The following TTC39B variants were observed in gnomAD, a reference collection of about 807,000 sequenced individuals.
TTC39B encodes tetratricopeptide repeat domain 39B.
In TTC39B, 92 loss-of-function variants were observed where a neutral mutation model predicts 96.6. The observed-to-expected ratio is 0.95, with a 90% CI of 0.80 to 1.13. The LOEUF (loss-of-function observed/expected upper bound fraction) is 1.13. Among genes scored for constraint, TTC39B ranks in the 50% most tolerant of loss-of-function variants. The pLI, the probability that TTC39B is intolerant of heterozygous loss-of-function variation, is 0.00. For synonymous variants in TTC39B, 367 were observed against 299.4 expected (o/e 1.23, Z -2.33); for missense variants, 955 against 809.3 (o/e 1.18, Z -2.18).
exon 20 of TTC39B, chr9:15,169,640 C>T (rs955680526): frequency 2.0e-5 from 3 of 152,126 alleles, no homozygotes; most frequent in African/African-American, 7.2e-5. Flanking sequence ...ACTACAATAT[C>T]TTGAACATAG....
chr9:15,267,119 C>A (rs1399912789), intron 2 of TTC39B, among the ~76,000 whole-genome samples: 1 of 152,150 alleles, frequency 6.6e-6, no homozygotes, highest in Non-Finnish European at 1.5e-5. Context: ...CTCACTCTCT[C>A]GGCCATGTAA....
intron 1 of TTC39B, among the ~76,000 whole-genome samples, chr9:15,271,277 G>A (rs2131558557): frequency 6.6e-6 from 1 of 152,220 alleles, no homozygotes; most frequent in South Asian, 2.1e-4. Flanking sequence ...CTGTCTGATT[G>A]GAGTCCGCAC....
rs377546314 is a variant in TTC39B, at chr9:15,188,135, G to A, written c.1234-3C>T. The A allele has an allele frequency of 6.1e-5, 97 of 1,590,094 alleles. No individual in the cohort carries two copies. In the African/African-American group the frequency reaches 1.1e-3, roughly 18 times the overall value. On this transcript the variant is annotated splice_region_variant and splice_polypyrimidine_tract_variant and intron_variant, in intron 13 of 19. Transcript: ENST00000512701. ...CATTTTTGAAATACTTCTTGTGCCT[G>A]TAAATCAAGTACACAAAGTTGATCG... is the stretch of plus-strand genomic sequence containing the variant.
chr9:15,196,786 T>G lies in TTC39B; in HGVS notation c.824+3075A>C, dbSNP rs568222384. Among the ~76,000 whole-genome samples, 3 of 152,310 alleles carry G rather than the reference T, an allele frequency of 2.0e-5. No individual in the cohort carries two copies. The East Asian group carries it at 5.8e-4, about 29-fold the overall frequency. On this transcript the variant is annotated intron_variant, in intron 8 of 19. Coordinates refer to ENST00000512701, the Ensembl canonical transcript of TTC39B. ...AGCATGGATCTAACTCTGAAAGAAGTTCTCCTGTGGGTAAAGTGCCATCAA... is the reference window on the plus strand; with the variant it reads ...AGCATGGATCTAACTCTGAAAGAAGGTCTCCTGTGGGTAAAGTGCCATCAA...
chr9:15,234,230 T>C (rs953628408), intron 2 of TTC39B, among the ~76,000 whole-genome samples: 1 of 151,406 alleles, frequency 6.6e-6, no homozygotes, highest in Non-Finnish European at 1.5e-5. Context: ...GGAGCGTCTC[T>C]GCCCGGCAGC....
intron 8 of TTC39B, among the ~76,000 whole-genome samples, chr9:15,195,483 AG>A (rs555117099): frequency 1.3e-5 from 2 of 151,868 alleles, no homozygotes; most frequent in South Asian, 4.2e-4. Context: ...AGCCTGGCCA[AG>A]CATGGTGAAA....
At chr9:15,271,963 A>G (rs111523424) in intron 1 of TTC39B, among the ~76,000 whole-genome samples, 2 of 152,292 alleles carry the variant, frequency 1.3e-5, no homozygotes, top group African/African-American at 4.8e-5. Context: ...CAGCAAATAC[A>G]GTTTCCTGCA....
chr9:15,219,873 C>A lies in TTC39B; in HGVS notation c.372-5624G>T, dbSNP rs1241945706. Among the ~76,000 whole-genome samples the A allele has an allele frequency of 2.6e-5, 4 of 152,164 alleles. 1 individual carries two copies. Among genetic ancestry groups the A allele is most frequent in the African/African-American group, 7.2e-5 (3 of 41,442 alleles). On this transcript the variant is annotated intron_variant, in intron 3 of 19. Transcript: ENST00000512701. ...CCACACCGCCCAACCATGACCCTCA[C>A]AAGGGAGGCCTGCACTTTAGGGCTG...
chr9:15,239,881 C>A (rs1821962199), intron 2 of TTC39B, among the ~76,000 whole-genome samples: 1 of 152,202 alleles, frequency 6.6e-6, no homozygotes, highest in African/African-American at 2.4e-5. Flanking sequence ...ATGTAACAGA[C>A]ATGCACATGT....
At chr9:15,305,400 G>C (rs1312488883) in intron 1 of TTC39B, among the ~76,000 whole-genome samples, 8 of 152,124 alleles carry the variant, frequency 5.3e-5, no homozygotes, top group Non-Finnish European at 7.4e-5. Context: ...AGGGACAAAA[G>C]TAAATTTGGC....
In TTC39B at chr9:15,184,773, A is replaced by G. The variant is rs139288444; in HGVS notation, c.1614+507T>C. The stretch of plus-strand genomic sequence containing the variant: ...CACTAAATTTCTAAGACTTGGTTCA[A>G]TATGAAAGAATGTATATATCTCATG... On this transcript the variant is annotated intron_variant, in intron 16 of 19. Transcript: ENST00000512701. Among the ~76,000 whole-genome samples the G allele has an allele frequency of 5.1e-4, 78 of 152,360 alleles. 1 individual carries two copies. In the East Asian group the frequency reaches 0.014, roughly 27 times the overall value.
chr9:15,186,098 T>C (rs959944078), intron 15 of TTC39B, among the ~76,000 whole-genome samples: 1 of 152,202 alleles, frequency 6.6e-6, no homozygotes, highest in Non-Finnish European at 1.5e-5. Flanking sequence ...CATAATTTTA[T>C]GGATGCATCA....
At chr9:15,304,639 CT>C (rs1824700671) in intron 1 of TTC39B, among the ~76,000 whole-genome samples, 1 of 152,128 alleles carries the variant, frequency 6.6e-6, no homozygotes, top group Admixed American at 6.6e-5. Context: ...AAGAAACTCC[CT>C]CTTCCCCAAC....
rs114173009 is a variant in TTC39B at position 15,176,744 on chromosome 9, T to C, written c.1841+953A>G. Reference sequence around the variant, plus strand: ...ATAGAGCTGAGGAGTGTGGCTACACTCTTCAGAGAAAACACCCTGACCTAT... The same window carrying C: ...ATAGAGCTGAGGAGTGTGGCTACACCCTTCAGAGAAAACACCCTGACCTAT... On this transcript the variant is annotated intron_variant, in intron 18 of 19. Coordinates refer to ENST00000512701, the Ensembl canonical transcript of TTC39B. 8.4e-3 allele frequency among the ~76,000 whole-genome samples: 1,281 copies of C among 152,232 alleles called. 17 individuals are homozygous for C. Among genetic ancestry groups the C allele is most frequent in the African/African-American group, 0.029 (1,200 of 41,524 alleles).
chr9:15,307,114 T>A (rs749136129), exon 1 of TTC39B: 2 of 1,610,510 alleles, frequency 1.2e-6, no homozygotes. Flanking sequence ...CTCGGCTGCC[T>A]AAGAGCGCCA....
intron 1 of TTC39B, among the ~76,000 whole-genome samples, chr9:15,283,562 G>A (rs62570819): frequency 0.66 from 100,295 of 151,214 alleles, 34,576 homozygotes; most frequent in East Asian, 0.9. Context: ...CAGTCAATAA[G>A]ATTCGCAGCA....
intron 4 of TTC39B, among the ~76,000 whole-genome samples, chr9:15,213,827 T>C (rs1303619407): frequency 1.3e-5 from 2 of 152,168 alleles, no homozygotes. Flanking sequence ...CAATAATATT[T>C]AAAAGGAACA....
At chr9:15,174,969 G>A in intron 19 of TTC39B, 50 bp downstream of exon 19, 1 of 1,175,410 alleles carries the variant, frequency 8.5e-7, no homozygotes, top group African/African-American at 1.5e-5. Flanking sequence ...GAGCAGTACT[G>A]ACATTTCTGA....
intron 2 of TTC39B, among the ~76,000 whole-genome samples, chr9:15,246,130 G>A (rs918343205): frequency 2.6e-5 from 4 of 152,172 alleles, no homozygotes; most frequent in Non-Finnish European, 5.9e-5. Context: ...GCACATGCCT[G>A]TAATCCCGGC....
Sources: allele counts gnomAD v4.1 joint callset (sites outside exome capture counted in the v4.1 genomes callset), GRCh38; gene constraint gnomAD v4.1.1; transcripts MANE v1.5; gene names NCBI Gene and HGNC (gene_info 2026-07-23, HGNC 2026-07-21).